The following NR2C2 variants were observed in gnomAD, a reference collection of about 807,000 sequenced individuals.
NR2C2 encodes Nuclear hormone receptor TR4.
NR2C2 carries 6 observed loss-of-function variants against 62.9 expected under a neutral mutation model. The observed-to-expected ratio is 0.10, with a 90% CI of 0.05 to 0.19. The LOEUF is 0.19. Among genes scored for constraint, NR2C2 ranks in the 10% least tolerant of loss-of-function variants. The probability of loss-of-function intolerance (pLI) is 1.00; values close to 1 mark genes in which losing one functional copy is unlikely to be tolerated. For missense variants in NR2C2, 479 were observed against 762.7 expected (o/e 0.63, Z 4.38); for synonymous variants, 272 against 273.8 (o/e 0.99, Z 0.07).
intron 1 of NR2C2, among the ~76,000 whole-genome samples, chr3:14,963,023 T>A (rs7611235): frequency 0.11 from 16,668 of 152,160 alleles, 1,061 homozygotes; most frequent in Middle Eastern, 0.17. Flanking sequence ...AGGGATTTGA[T>A]CCTGGAGGTG....
chr3:15,013,331 TAAAAG>T (rs2041408736), intron 2 of NR2C2, among the ~76,000 whole-genome samples: 1 of 152,216 alleles, frequency 6.6e-6, no homozygotes, highest in South Asian at 2.1e-4. Flanking sequence ...CTTCATTTCA[TAAAAG>T]AAAGGGCATT....
chr3:15,001,691 A>G (rs1013640315), intron 1 of NR2C2, among the ~76,000 whole-genome samples: 1 of 152,044 alleles, frequency 6.6e-6, no homozygotes. Flanking sequence ...ATCATGGCTC[A>G]CTGCAACCTA....
At chr3:15,005,951 A>G (rs759493443) in intron 2 of NR2C2, among the ~76,000 whole-genome samples, 1 of 152,170 alleles carries the variant, frequency 6.6e-6, no homozygotes, top group Non-Finnish European at 1.5e-5. Flanking sequence ...CATACTTGTA[A>G]TCCCAGCACT....
At chr3:14,983,937 G>A (rs1559545250) in intron 1 of NR2C2, among the ~76,000 whole-genome samples, 1 of 152,106 alleles carries the variant, frequency 6.6e-6, no homozygotes. Flanking sequence ...TGCCAAGGTT[G>A]GAGTGCAATG....
chr3:14,961,143 G>A (rs2039677167), intron 1 of NR2C2, among the ~76,000 whole-genome samples: 1 of 152,166 alleles, frequency 6.6e-6, no homozygotes, highest in Admixed American at 6.5e-5. Flanking sequence ...GAAGACAGGA[G>A]CCAGGTCTTT....
At chr3:15,016,887 G>T (rs2041524977) in intron 4 of NR2C2, among the ~76,000 whole-genome samples, 1 of 152,210 alleles carries the variant, frequency 6.6e-6, no homozygotes, top group South Asian at 2.1e-4. Flanking sequence ...GGTAAAGTGA[G>T]ACTGAAGAAG....
chr3:15,013,957 T>A (rs1029459281), intron 3 of NR2C2, among the ~76,000 whole-genome samples, 168 bp downstream of exon 3: 11 of 152,120 alleles, frequency 7.2e-5, no homozygotes, highest in African/African-American at 2.7e-4. Context: ...AGCAATCCAG[T>A]GGCAAGGCCC....
intron 11 of NR2C2, 135 bp from the exon 12 acceptor site, chr3:15,037,865 C>G: frequency 1.0e-6 from 1 of 956,960 alleles, no homozygotes; most frequent in South Asian, 1.7e-5. Context: ...AAATGAAGCT[C>G]TTGTTCACCT....
At chr3:15,021,113 G>A (rs559875878) in intron 5 of NR2C2, among the ~76,000 whole-genome samples, 181 bp downstream of exon 5, 8 of 152,258 alleles carry the variant, frequency 5.3e-5, no homozygotes, top group African/African-American at 1.9e-4. Flanking sequence ...TGCAGGGGTT[G>A]GTCTCTTCCT....
intron 1 of NR2C2, among the ~76,000 whole-genome samples, chr3:14,982,283 G>C (rs759721968): frequency 1.3e-5 from 2 of 152,114 alleles, no homozygotes; most frequent in Non-Finnish European, 2.9e-5. Flanking sequence ...GTTGCCCAGA[G>C]TGGTCTGCAA....
At chr3:15,009,363 A>C (rs2041286354) in intron 2 of NR2C2, among the ~76,000 whole-genome samples, 1 of 152,186 alleles carries the variant, frequency 6.6e-6, no homozygotes, top group Non-Finnish European at 1.5e-5. Flanking sequence ...AGATGGATTG[A>C]ATGTGACTCA....
chr3:14,960,129 G>A (rs577227223), intron 1 of NR2C2, among the ~76,000 whole-genome samples: 48 of 152,078 alleles, frequency 3.2e-4, no homozygotes, highest in Non-Finnish European at 5.7e-4. Context: ...TACATTCCTG[G>A]GATAGGACAG....
chr3:14,984,458 A>G (rs1333463285), intron 1 of NR2C2, among the ~76,000 whole-genome samples: 1 of 152,106 alleles, frequency 6.6e-6, no homozygotes, highest in Non-Finnish European at 1.5e-5. Flanking sequence ...TTGTCTTCTG[A>G]GTATAGCTCT....
intron 1 of NR2C2, among the ~76,000 whole-genome samples, chr3:15,001,080 C>T (rs1469507751): frequency 6.6e-6 from 1 of 152,064 alleles, no homozygotes; most frequent in Non-Finnish European, 1.5e-5. Flanking sequence ...TCCCAAAGTG[C>T]TGGGATTACA....
intron 1 of NR2C2, among the ~76,000 whole-genome samples, chr3:14,998,935 G>T (rs967119746): frequency 6.6e-6 from 1 of 152,204 alleles, no homozygotes; most frequent in African/African-American, 2.4e-5. Context: ...CTGGGAGGTT[G>T]GTTGAGGCTG....
At chr3:14,977,718 A>G (rs1454436729) in intron 1 of NR2C2, among the ~76,000 whole-genome samples, 4 of 152,222 alleles carry the variant, frequency 2.6e-5, no homozygotes, top group African/African-American at 9.6e-5. Context: ...TAATCCTAGC[A>G]CTTTGGGAGG....
At chr3:14,950,341 C>A (rs2039315595) in intron 1 of NR2C2, among the ~76,000 whole-genome samples, 1 of 152,198 alleles carries the variant, frequency 6.6e-6, no homozygotes. Context: ...ACAGAACTCT[C>A]TTACAGGCAG....
At chr3:15,038,431 C>T in intron 12 of NR2C2, 1 of 251,992 alleles carries the variant, frequency 4.0e-6, no homozygotes, top group African/African-American at 2.2e-5. Context: ...AAGTGTGCTG[C>T]CACCCGATGT....
chr3:15,023,573 T>C (rs142143337), intron 6 of NR2C2, among the ~76,000 whole-genome samples: 5 of 152,214 alleles, frequency 3.3e-5, no homozygotes, highest in Non-Finnish European at 5.9e-5. Flanking sequence ...GAATTCAGAT[T>C]ATGTCCTGCA....
Sources: gnomAD v4.1 joint callset for allele counts (sites outside exome capture counted in the v4.1 genomes callset) on GRCh38, gnomAD v4.1.1 for gene constraint, MANE v1.5 for transcripts, NCBI Gene and HGNC (gene_info 2026-07-23, HGNC 2026-07-21) for gene names.